The following CUL5 variants were observed in gnomAD, a reference collection of about 807,000 sequenced individuals.
CUL5 encodes cullin 5.
A neutral mutation model predicts 108.8 loss-of-function variants in CUL5; 26 were observed. That is an observed-to-expected ratio of 0.24 (90% confidence interval 0.18 to 0.33). CUL5 has a LOEUF of 0.33. Among genes scored for constraint, CUL5 ranks in the 10% least tolerant of loss-of-function variants. The pLI, the probability that CUL5 is intolerant of heterozygous loss-of-function variation, is 1.00. For missense variants in CUL5, 524 were observed against 909.2 expected, an observed-to-expected ratio of 0.58 and a Z score of 5.45; for synonymous variants, 334 against 298.0, an observed-to-expected ratio of 1.12 and a Z score of -1.25.
intron 11 of CUL5, among the ~76,000 whole-genome samples, chr11:108,081,463 C>T (rs775970568): frequency 3.3e-5 from 5 of 150,366 alleles, no homozygotes; most frequent in African/African-American, 7.3e-5. Context: ...TATCAAAAAT[C>T]GGTTGGCTGC....
At chr11:108,097,120 C>T (rs1490739328) in intron 16 of CUL5, among the ~76,000 whole-genome samples, 8 of 152,086 alleles carry the variant, frequency 5.3e-5, no homozygotes, top group Non-Finnish European at 8.8e-5. Flanking sequence ...CAGGTTCAAG[C>T]GATCCTCCCA....
At chr11:108,067,506 T>TA (rs1863716470) in intron 7 of CUL5, among the ~76,000 whole-genome samples, 1 of 152,184 alleles carries the variant, frequency 6.6e-6, no homozygotes, top group African/African-American at 2.4e-5. Context: ...CAATATGTGA[T>TA]ACACTCTGAT....
intron 2 of CUL5, among the ~76,000 whole-genome samples, chr11:108,039,788 G>A (rs1369194014): frequency 1.3e-5 from 2 of 152,164 alleles, no homozygotes; most frequent in Admixed American, 6.5e-5. Context: ...TGTTATGACT[G>A]ATATTCTTGC....
intron 18 of CUL5, among the ~76,000 whole-genome samples, chr11:108,100,705 G>A (rs986600688): frequency 6.6e-6 from 1 of 151,982 alleles, no homozygotes; most frequent in Admixed American, 6.6e-5. Flanking sequence ...GAAGATATTC[G>A]TAGCTATGCC....
chr11:108,062,187 T>G (rs530221679), intron 7 of CUL5, among the ~76,000 whole-genome samples: 4 of 152,160 alleles, frequency 2.6e-5, no homozygotes, highest in South Asian at 4.2e-4. Flanking sequence ...TTATTTCTTA[T>G]AAATAGTGCT....
At chr11:108,017,675 C>A (rs887455610) in intron 1 of CUL5, among the ~76,000 whole-genome samples, 1 of 152,068 alleles carries the variant, frequency 6.6e-6, no homozygotes, top group Non-Finnish European at 1.5e-5. Flanking sequence ...CATAGTAAGA[C>A]CTCATCTCTA....
intron 18 of CUL5, among the ~76,000 whole-genome samples, chr11:108,100,462 T>C (rs1347958636): frequency 1.3e-5 from 2 of 152,104 alleles, no homozygotes; most frequent in Non-Finnish European, 2.9e-5. Flanking sequence ...GAGAATTGCC[T>C]GAACCTGGCG....
At chr11:108,040,713 G>T (rs961212338) in intron 2 of CUL5, among the ~76,000 whole-genome samples, 10 of 151,714 alleles carry the variant, frequency 6.6e-5, no homozygotes, top group Non-Finnish European at 1.2e-4. Context: ...GAGCACAGGA[G>T]TTTTAAGTTA....
intron 1 of CUL5, among the ~76,000 whole-genome samples, chr11:108,033,530 G>T (rs1321570426): frequency 6.6e-6 from 1 of 152,156 alleles, no homozygotes; most frequent in Non-Finnish European, 1.5e-5. Flanking sequence ...AGTGTCCAGA[G>T]ATTATCTACT....
chr11:108,106,095 A>C lies in CUL5; in HGVS notation c.*1711A>C, dbSNP rs1252619133. On this transcript the variant is annotated 3_prime_UTR_variant, in exon 19 of 19. Transcript: ENST00000393094. ...TAGACCGAGCATATTGTGAAGAATT[A>C]AACTAAAATTAATACGTACAGTTTT... 2.0e-5 allele frequency: 3 copies of C among 152,240 alleles called. No individual in the cohort carries two copies. Among genetic ancestry groups the C allele is most frequent in the African/African-American group, 7.2e-5 (3 of 41,460 alleles). The allele number at this position is 152,240 out of a possible 1,614,324, so 9.4% of individuals were successfully genotyped here. A position where few individuals can be genotyped will look rare whatever the true frequency, so the allele number is the denominator to read the frequency against.
chr11:108,021,802 C>T (rs922085184), intron 1 of CUL5, among the ~76,000 whole-genome samples: 1 of 150,708 alleles, frequency 6.6e-6, no homozygotes, highest in African/African-American at 2.4e-5. Context: ...AGGCATGAGC[C>T]ACACCGCCCA....
intron 2 of CUL5, among the ~76,000 whole-genome samples, chr11:108,045,667 G>A (rs1427732180): frequency 3.3e-5 from 5 of 152,092 alleles, no homozygotes; most frequent in Admixed American, 1.3e-4. Context: ...TTCAAGACCA[G>A]CCTGGACAAC....
rs972293352 is a variant in CUL5, at chr11:108,022,213, G to A, written c.25-11589G>A. On this transcript the variant is annotated intron_variant, in intron 1 of 18. Coordinates refer to ENST00000393094, the MANE Select transcript of CUL5 (RefSeq NM_003478.6). The stretch of plus-strand genomic sequence containing the variant: ...TGATGTGGTATGTTTTGTCCCAGGC[G>A]TTATGTAGGGATTTCTGGGTGTTTT... Among the ~76,000 whole-genome samples the A allele has an allele frequency of 4.6e-5, 7 of 152,172 alleles. No individual in the cohort carries two copies. The East Asian group carries it at 5.8e-4, about 13-fold the overall frequency.
intron 1 of CUL5, among the ~76,000 whole-genome samples, chr11:108,017,336 A>G (rs1471756705): frequency 2.2e-5 from 3 of 138,864 alleles, no homozygotes; most frequent in African/African-American, 8.1e-5. Flanking sequence ...GCTGCAGTGA[A>G]TTGAGATCGC....
chr11:108,018,665 A>T (rs925202462), intron 1 of CUL5, among the ~76,000 whole-genome samples: 1 of 152,030 alleles, frequency 6.6e-6, no homozygotes, highest in African/African-American at 2.4e-5. Flanking sequence ...ACGGAGTGAG[A>T]CTGTGTCTTA....
intron 1 of CUL5, among the ~76,000 whole-genome samples, chr11:108,028,605 G>A (rs144806887): frequency 1.3e-5 from 2 of 152,256 alleles, no homozygotes; most frequent in South Asian, 2.1e-4. Context: ...TTCGGAGGCC[G>A]AAGCGGGCGG....
rs1864458196 is a variant in CUL5, at chr11:108,095,135, A to G, written c.1743+148A>G. The G allele has an allele frequency of 4.7e-6, 3 of 636,470 alleles. No homozygotes were observed. The South Asian group carries it at 6.6e-5, about 14-fold the overall frequency. 39.4% of individuals were successfully genotyped at this position (636,470 alleles called of 1,614,324 possible). On this transcript the variant is annotated intron_variant, in intron 15 of 18. Transcript: ENST00000393094. ...AGTGAATTTTTTTCATGAAGTTGAT[A>G]GGGACATAGGCTTCTGGTTATACCA... is the stretch of plus-strand genomic sequence containing the variant.
chr11:108,089,028 G>A (rs543750397), intron 12 of CUL5, among the ~76,000 whole-genome samples: 1 of 152,030 alleles, frequency 6.6e-6, no homozygotes, highest in Non-Finnish European at 1.5e-5. Context: ...ATGAATGAGA[G>A]TAGATTAAGT....
intron 1 of CUL5, 42 bp downstream of exon 1, chr11:108,009,414 C>T (rs761980423): frequency 8.7e-6 from 14 of 1,609,968 alleles, no homozygotes; most frequent in Middle Eastern, 1.7e-4. Context: ...GTGTGGCCGC[C>T]GGGTTCGGCT....
Sources: allele counts gnomAD v4.1 joint callset (sites outside exome capture counted in the v4.1 genomes callset), GRCh38; gene constraint gnomAD v4.1.1; transcripts MANE v1.5; gene names NCBI Gene and HGNC (gene_info 2026-07-23, HGNC 2026-07-21).